Variants in CCM2 observed in about 807,000 individuals in gnomAD.
CCM2 encodes the protein cerebral cavernous malformations 2 protein.
In CCM2, 25 loss-of-function variants were observed where a neutral mutation model predicts 44.9. The observed-to-expected ratio is 0.56, with a 90% CI of 0.41 to 0.78. The LOEUF (loss-of-function observed/expected upper bound fraction) is 0.78. Among genes scored for constraint, CCM2 ranks in the 30% least tolerant of loss-of-function variants. CCM2 has a pLI of 0.00. For missense variants in CCM2, 481 were observed against 580.6 expected, an observed-to-expected ratio of 0.83 and a Z score of 1.76; for synonymous variants, 219 against 241.1, an observed-to-expected ratio of 0.91 and a Z score of 0.85.
rs189957022 is a variant in CCM2 at position 45,051,743 on chromosome 7, A to C, written c.205-12175A>C. Among the ~76,000 whole-genome samples, 37 of 152,250 alleles carry C rather than the reference A, an allele frequency of 2.4e-4. 1 individual carries two copies. The East Asian group carries it at 5.4e-3, about 22-fold the overall frequency. ...ACATGGCTAGTATTTTTGTATTTTT[A>C]GTAGAGACGGGGTTTCACTGTGTTA... On this transcript the variant is annotated intron_variant, in intron 2 of 9. Coordinates refer to ENST00000258781, the MANE Select transcript of CCM2 (RefSeq NM_031443.4).
At chr7:45,041,593 G>A (rs1264350907) in intron 2 of CCM2, among the ~76,000 whole-genome samples, 2 of 152,212 alleles carry the variant, frequency 1.3e-5, no homozygotes, top group Non-Finnish European at 1.5e-5. Context: ...CAGGAAAGGG[G>A]CAGCCTAGCA....
At chr7:45,045,750 C>T (rs1011157171) in intron 2 of CCM2, among the ~76,000 whole-genome samples, 5 of 152,104 alleles carry the variant, frequency 3.3e-5, no homozygotes, top group Non-Finnish European at 4.4e-5. Flanking sequence ...CAGATCATGC[C>T]GCTGCACTCC....
At chr7:45,073,423 G>A (rs774476662) in intron 7 of CCM2, 37 bp from the exon 8 acceptor site, 7 of 1,500,892 alleles carry the variant, frequency 4.7e-6, no homozygotes, top group Non-Finnish European at 3.7e-6. Flanking sequence ...TGGAGGGTCG[G>A]GGAAGCCACC....
chr7:45,062,826 CAAAA>C (rs11326276), intron 2 of CCM2, among the ~76,000 whole-genome samples: 1 of 138,256 alleles, frequency 7.2e-6, no homozygotes, highest in Non-Finnish European at 1.6e-5. Flanking sequence ...GACCCTGTCT[CAAAA>C]AAAAAAAAAA....
rs556743857 is a variant in CCM2 at position 45,029,057 on chromosome 7, G to A, written c.31-9196G>A. 6.6e-5 allele frequency among the ~76,000 whole-genome samples: 10 copies of A among 152,288 alleles called. No individual in the cohort carries two copies. In the South Asian group the frequency reaches 2.1e-3, roughly 32 times the overall value. The stretch of plus-strand genomic sequence containing the variant: ...GGTTCCACTGTCTTCTCAGACCCAG[G>A]CACTGAGTTTGGTGCCTCTTCCAGT... On this transcript the variant is annotated intron_variant, in intron 1 of 9. Coordinates refer to ENST00000258781, the MANE Select transcript of CCM2 (RefSeq NM_031443.4).
At chr7:45,071,511 T>C (rs1233456370) in intron 6 of CCM2, 3 of 284,060 alleles carry the variant, frequency 1.1e-5, no homozygotes, top group Non-Finnish European at 2.1e-5. Context: ...CTTGGAGTTT[T>C]GCTTGCTGTG....
chr7:45,042,065 G>A (rs184282910), intron 2 of CCM2, among the ~76,000 whole-genome samples: 1 of 152,252 alleles, frequency 6.6e-6, no homozygotes, highest in African/African-American at 2.4e-5. Context: ...CACGAGGTCA[G>A]GAGTTCAAGA....
intron 1 of CCM2, among the ~76,000 whole-genome samples, chr7:45,010,076 A>AT (rs940421286): frequency 8.6e-5 from 13 of 151,874 alleles, no homozygotes; most frequent in Non-Finnish European, 1.2e-4. Flanking sequence ...TGCCCAGCTA[A>AT]TTTTTTTTAT....
chr7:45,057,417 T>C (rs1237429036), intron 2 of CCM2, among the ~76,000 whole-genome samples: 1 of 152,110 alleles, frequency 6.6e-6, no homozygotes, highest in Non-Finnish European at 1.5e-5. Flanking sequence ...CGCCTCGGCC[T>C]CCCAAAGTGC....
intron 2 of CCM2, among the ~76,000 whole-genome samples, chr7:45,055,011 AT>A (rs1490714422): frequency 1.3e-5 from 2 of 152,244 alleles, no homozygotes; most frequent in Non-Finnish European, 2.9e-5. Context: ...AGTGAAAAAA[AT>A]CTCAAATGAG....
At chr7:45,023,608 A>G (rs1796566682) in intron 1 of CCM2, among the ~76,000 whole-genome samples, 3 of 152,158 alleles carry the variant, frequency 2.0e-5, no homozygotes, top group Non-Finnish European at 1.5e-5. Flanking sequence ...TTTATTTACA[A>G]AAACAGGTGG....
intron 2 of CCM2, among the ~76,000 whole-genome samples, chr7:45,041,711 C>T (rs993767239): frequency 6.6e-6 from 1 of 152,186 alleles, no homozygotes; most frequent in Non-Finnish European, 1.5e-5. Flanking sequence ...GGGCCACTTA[C>T]TCCTCCAGAG....
intron 6 of CCM2, chr7:45,071,641 CA>C: frequency 2.6e-6 from 1 of 384,152 alleles, no homozygotes; most frequent in Non-Finnish European, 5.1e-6. Context: ...GAGGTGTCCA[CA>C]GGGCTGGTTC....
At chr7:45,004,113 G>A (rs567257528) in intron 1 of CCM2, among the ~76,000 whole-genome samples, 14 of 152,140 alleles carry the variant, frequency 9.2e-5, no homozygotes, top group South Asian at 2.1e-4. Flanking sequence ...CCTGGAGGTC[G>A]AGGCTGCAGT....
At chr7:45,055,779 C>A (rs1384712153) in intron 2 of CCM2, among the ~76,000 whole-genome samples, 1 of 152,212 alleles carries the variant, frequency 6.6e-6, no homozygotes, top group African/African-American at 2.4e-5. Context: ...CAGCACTATC[C>A]ATCTCCAGAG....
At chr7:45,072,580 A>G (rs929673286) in intron 6 of CCM2, 146 bp from the exon 7 acceptor site, 12 of 713,678 alleles carry the variant, frequency 1.7e-5, no homozygotes, top group Admixed American at 1.6e-4. Flanking sequence ...CACATTCCAG[A>G]GTGCGGGCAG....
intron 1 of CCM2, among the ~76,000 whole-genome samples, chr7:45,016,609 A>G (rs546009938): frequency 2.2e-4 from 33 of 148,194 alleles, no homozygotes; most frequent in Admixed American, 2.0e-3. Flanking sequence ...GATTACAGGC[A>G]TGAGCCACTG....
chr7:45,066,574 G>A (rs545926492), intron 4 of CCM2, among the ~76,000 whole-genome samples: 7 of 152,324 alleles, frequency 4.6e-5, no homozygotes, highest in African/African-American at 9.6e-5. Flanking sequence ...CCAAAAGTAC[G>A]CTGGTATTTG....
intron 5 of CCM2, 56 bp from the exon 6 acceptor site, chr7:45,069,770 T>G: frequency 6.2e-7 from 1 of 1,611,282 alleles, no homozygotes; most frequent in Non-Finnish European, 8.5e-7. Flanking sequence ...GGAAGCCGCC[T>G]GGGAAGGCGC....
Sources: allele counts gnomAD v4.1 joint callset (sites outside exome capture counted in the v4.1 genomes callset), GRCh38; gene constraint gnomAD v4.1.1; transcripts MANE v1.5; gene names NCBI Gene and HGNC (gene_info 2026-07-23, HGNC 2026-07-21).